The following STAT5A variants were observed in gnomAD, a reference collection of about 807,000 sequenced individuals.
STAT5A encodes the protein epididymis secretory sperm binding protein.
In STAT5A, 26 loss-of-function variants were observed where a neutral mutation model predicts 100.2. The ratio of observed to expected loss-of-function variants is 0.26; its 90% CI spans 0.19 to 0.36. The LOEUF (loss-of-function observed/expected upper bound fraction) is 0.36. Among genes scored for constraint, STAT5A ranks in the 10% least tolerant of loss-of-function variants. The pLI is 1.00. For missense variants in STAT5A, 634 were observed against 1,027.5 expected (o/e 0.62, Z 5.24); for synonymous variants, 330 against 424.3 (o/e 0.78, Z 2.73).
rs774555961 is a variant in STAT5A, at chr17:42,307,582, C to G, written c.1776-11C>G. 1 of 1,613,950 alleles carries G rather than the reference C, an allele frequency of 6.2e-7. No individual in the cohort carries two copies. The highest frequency in any genetic ancestry group is 8.5e-7 in the Non-Finnish European group (1 of 1,180,006). On this transcript the variant is annotated splice_polypyrimidine_tract_variant and intron_variant, in intron 14 of 18. Coordinates refer to ENST00000590949, the MANE Select transcript of STAT5A (RefSeq NM_001288718.2). ...GGCCCAGTGGTGACGCTCAATGCTC[C>G]GTGCACCCAGGGCCATCCTAGGTTT...
Position 42,304,306 on chromosome 17 carries a change from G to C in STAT5A, c.1170-36G>C. On this transcript the variant is annotated intron_variant, in intron 9 of 18. Transcript: ENST00000590949. This position sits in a 1 kb window ranked among gnomAD's most constrained non-coding sequence, Gnocchi z 4.8. The stretch of plus-strand genomic sequence containing the variant: ...GACAGGACCATGCTCCTGGCCTGGG[G>C]CCCATGTGGAGCTGGGACCCCCCTC... 6.2e-7 allele frequency: 1 copy of C among 1,606,218 alleles called. No individual in the cohort carries two copies. The highest frequency in any genetic ancestry group is 8.5e-7 in the Non-Finnish European group (1 of 1,173,618).
At chr17:42,294,421 C>A (rs2080899758) in intron 4 of STAT5A, among the ~76,000 whole-genome samples, 1 of 152,118 alleles carries the variant, frequency 6.6e-6, no homozygotes, top group Admixed American at 6.6e-5. Flanking sequence ...TCCTGAACAC[C>A]CCTGGCATTC....
intron 4 of STAT5A, 52 bp downstream of exon 4, chr17:42,292,113 C>G (rs564703379): frequency 1.9e-6 from 3 of 1,592,358 alleles, no homozygotes; most frequent in Non-Finnish European, 2.6e-6. Flanking sequence ...CTCCATATGC[C>G]TTTCTCTCCA....
At position 42,297,379 on chromosome 17, in the gene STAT5A, A is replaced by G. The variant is rs2080929114; in HGVS notation, c.550+1586A>G. Among the ~76,000 whole-genome samples, 4 of 152,298 alleles carry G rather than the reference A, an allele frequency of 2.6e-5. No individual in the cohort carries two copies. In the South Asian group the frequency reaches 8.3e-4, roughly 32 times the overall value. On this transcript the variant is annotated intron_variant, in intron 5 of 18. Coordinates refer to ENST00000590949, the MANE Select transcript of STAT5A (RefSeq NM_001288718.2). ...CTACCCAAGTCCTTAGACTGTCGAC[A>G]GTATTTCTGATCCCGTGCCTGGCTT...
intron 1 of STAT5A, 30 bp from the exon 2 acceptor site, chr17:42,289,372 G>C: frequency 6.3e-7 from 1 of 1,579,040 alleles, no homozygotes; most frequent in Non-Finnish European, 8.6e-7. Context: ...CTCTGCAGAG[G>C]AGAGCGCTTC....
Position 42,307,806 on chromosome 17 carries a change from C to T in STAT5A, c.1906+83C>T, listed in dbSNP as rs1598367196. 4 of 1,564,416 alleles carry T rather than the reference C, an allele frequency of 2.6e-6. 1 individual carries two copies. Among genetic ancestry groups the T allele is most frequent in the South Asian group, 2.4e-5 (2 of 83,392 alleles). ...CCCGCCACCCCACCCTCCATCGGGC[C>T]TGTGTCCTTAGAAGGTACCCAGCGG... On this transcript the variant is annotated intron_variant, in intron 15 of 18. Transcript: ENST00000590949.
chr17:42,307,373 C>A (rs778968825), intron 13 of STAT5A, 29 bp from the exon 14 acceptor site: 1 of 1,608,298 alleles, frequency 6.2e-7, no homozygotes, highest in Non-Finnish European at 8.5e-7. Flanking sequence ...GGGGCACCAG[C>A]CCTGACTCGG....
At chr17:42,305,070 T>C (rs56329056) in intron 11 of STAT5A, among the ~76,000 whole-genome samples, 28,595 of 152,068 alleles carry the variant, frequency 0.19, 2,917 homozygotes, top group East Asian at 0.36. Context: ...CATGGTGGCC[T>C]GCACCTGTAG....
At position 42,308,172 on chromosome 17, in the gene STAT5A, T is replaced by C; in HGVS notation, c.1907-6T>C. ...GATTATGGGAATGAGGCTGTTCTTTTCACAGCGGAACGCAACCTGTGGAAC... is the reference window on the plus strand; with the variant it reads ...GATTATGGGAATGAGGCTGTTCTTTCCACAGCGGAACGCAACCTGTGGAAC... On this transcript the variant is annotated splice_region_variant and splice_polypyrimidine_tract_variant and intron_variant, in intron 15 of 18. Transcript: ENST00000590949. The surrounding 1 kb of genome is among the most constrained non-coding windows in gnomAD (Gnocchi z 4.6). 1 of 1,613,786 alleles carries C rather than the reference T, an allele frequency of 6.2e-7. No individual in the cohort carries two copies. Among genetic ancestry groups the C allele is most frequent in the East Asian group, 2.2e-5 (1 of 44,868 alleles).
intron 12 of STAT5A, 23 bp from the exon 13 acceptor site, chr17:42,306,218 C>A (rs989178496): frequency 6.2e-7 from 1 of 1,614,002 alleles, no homozygotes; most frequent in Non-Finnish European, 8.5e-7. Context: ...TCTACCTTTT[C>A]CCCTCTCTTG....
In STAT5A at chr17:42,296,938, ATGTT is replaced by A. The variant is rs549428649; in HGVS notation, c.550+1163_550+1166del. ...GTAAATACTTGCAGGATAATTCTAA[ATGTT>A]TGTTTGTTTGTTTGTTTATTTATTA... On this transcript the variant is annotated intron_variant, in intron 5 of 18. Transcript: ENST00000590949. Among the ~76,000 whole-genome samples, 372 of 151,912 alleles carry A rather than the reference ATGTT, an allele frequency of 2.4e-3. 4 individuals are homozygous for A. The highest frequency in any genetic ancestry group is 0.019 in the Admixed American group (297 of 15,242).
chr17:42,292,560 C>T (rs1281793406), intron 4 of STAT5A, among the ~76,000 whole-genome samples: 4 of 151,632 alleles, frequency 2.6e-5, no homozygotes, highest in Non-Finnish European at 1.5e-5. Flanking sequence ...AACCTGACCT[C>T]GTGATCCGCC....
chr17:42,295,844 T>C (rs373526046), intron 5 of STAT5A, 51 bp downstream of exon 5: 5 of 1,595,840 alleles, frequency 3.1e-6, no homozygotes, highest in Non-Finnish European at 4.3e-6. Context: ...GTGAGGAACA[T>C]TCTATGGACT....
intron 9 of STAT5A, among the ~76,000 whole-genome samples, chr17:42,302,907 A>T (rs1226824376): frequency 1.3e-5 from 2 of 151,240 alleles, no homozygotes; most frequent in Non-Finnish European, 1.5e-5. Context: ...GTGAGCCAAG[A>T]TTGTGCCACT....
intron 7 of STAT5A, among the ~76,000 whole-genome samples, 195 bp downstream of exon 7, chr17:42,300,476 C>T (rs2080966111): frequency 6.6e-6 from 1 of 152,150 alleles, no homozygotes; most frequent in East Asian, 1.9e-4. Flanking sequence ...GGCTGCTGTC[C>T]TGGGGGTGGG....
At chr17:42,306,143 C>T in intron 12 of STAT5A, 98 bp from the exon 13 acceptor site, 1 of 1,584,508 alleles carries the variant, frequency 6.3e-7, no homozygotes, top group Non-Finnish European at 8.6e-7. Context: ...GGATCTGTCT[C>T]AGTCTCCTCT....
intron 8 of STAT5A, 65 bp from the exon 9 acceptor site, chr17:42,301,210 G>C: frequency 1.3e-6 from 2 of 1,575,988 alleles, no homozygotes; most frequent in Non-Finnish European, 1.7e-6. Flanking sequence ...CCACCACAGA[G>C]GGACTGAGAG....
chr17:42,291,353 G>A (rs936989280), intron 3 of STAT5A, among the ~76,000 whole-genome samples: 6 of 152,142 alleles, frequency 3.9e-5, no homozygotes, highest in Admixed American at 6.5e-5. Context: ...ACAGACCACC[G>A]ACCTGTACCA....
chr17:42,290,815 A>G (rs2080862554), intron 3 of STAT5A, among the ~76,000 whole-genome samples: 1 of 152,176 alleles, frequency 6.6e-6, no homozygotes, highest in Non-Finnish European at 1.5e-5. Context: ...AATGGGGATC[A>G]TAGTTTCTGC....
Sources: gnomAD v4.1 joint callset for allele counts (sites outside exome capture counted in the v4.1 genomes callset) on GRCh38, gnomAD v4.1.1 for gene constraint, Gnocchi (gnomAD v3.1) non-coding constraint, MANE v1.5 for transcripts, NCBI Gene and HGNC (gene_info 2026-07-23, HGNC 2026-07-21) for gene names.